The following EZR variants were observed in gnomAD, a reference collection of about 807,000 sequenced individuals.
EZR encodes the protein cytovillin 2.
In EZR, 40 loss-of-function variants were observed where a neutral mutation model predicts 74.8. The observed-to-expected ratio is 0.53, with a 90% CI of 0.42 to 0.70. The LOEUF is 0.70. Among genes scored for constraint, EZR ranks in the 30% least tolerant of loss-of-function variants. EZR has a pLI of 0.00. For missense variants in EZR, 678 were observed against 755.8 expected (o/e 0.90, Z 1.21); for synonymous variants, 341 against 283.3 (o/e 1.20, Z -2.05).
intron 7 of EZR, among the ~76,000 whole-genome samples, chr6:158,776,761 T>C (rs1008477737): frequency 6.6e-6 from 1 of 152,190 alleles, no homozygotes; most frequent in Non-Finnish European, 1.5e-5. Context: ...GCACCTATGA[T>C]TACCCAGGCT....
chr6:158,776,282 C>T, intron 8 of EZR, 126 bp downstream of exon 8: 1 of 787,900 alleles, frequency 1.3e-6, no homozygotes. Flanking sequence ...ATCTCTGGCC[C>T]TCAATGTAAC....
chr6:158,794,626 T>C (rs1777028198), intron 2 of EZR, among the ~76,000 whole-genome samples: 1 of 152,194 alleles, frequency 6.6e-6, no homozygotes, highest in African/African-American at 2.4e-5. Flanking sequence ...CTGCAGTTTT[T>C]ATTGTCTTAG....
At position 158,766,329 on chromosome 6, in the gene EZR, A is replaced by C. The variant is rs1157273570; in HGVS notation, c.*585T>G. 6.6e-6 allele frequency: 1 copy of C among 150,446 alleles called. No homozygotes were observed. Among genetic ancestry groups the C allele is most frequent in the East Asian group, 1.9e-4 (1 of 5,182 alleles). The allele number at this position is 150,446 out of a possible 1,614,324, so 9.3% of individuals were successfully genotyped here. A position where few individuals can be genotyped will look rare whatever the true frequency, so the allele number is the denominator to read the frequency against. On this transcript the variant is annotated 3_prime_UTR_variant, in exon 14 of 14. Coordinates refer to ENST00000367075, the MANE Select transcript of EZR (RefSeq NM_001111077.2). ...AAAAAAAAACAAAAAAAAAAATCCA[A>C]GTGTCCTCCTCCACCACTCACGCTG... is the stretch of plus-strand genomic sequence containing the variant.
chr6:158,766,702 G>C lies in EZR; in HGVS notation c.*212C>G. ...GGAGGTGATTCGAGAATAATCGCGA[G>C]AATCAGGCCTGCTTGGCACTATTAC... On this transcript the variant is annotated 3_prime_UTR_variant, in exon 14 of 14. Coordinates refer to ENST00000367075, the MANE Select transcript of EZR (RefSeq NM_001111077.2). 3.4e-6 allele frequency: 2 copies of C among 592,726 alleles called. No homozygotes were observed. The highest frequency in any genetic ancestry group is 2.1e-5 in the South Asian group (1 of 48,566). The allele number at this position is 592,726 out of a possible 1,614,324, so 36.7% of individuals were successfully genotyped here.
At position 158,785,602 on chromosome 6, in the gene EZR, A is replaced by T. The variant is rs376222354; in HGVS notation, c.193-19T>A. The T allele has an allele frequency of 1.3e-4, 210 of 1,609,500 alleles. No homozygotes were observed. Among genetic ancestry groups the T allele is most frequent in the Non-Finnish European group, 1.8e-4 (206 of 1,176,540 alleles). ...CAGACACCTGCACGAAACAAGCCAC[A>T]CTCTCCACACAAATCCGGAAGACGA... On this transcript the variant is annotated intron_variant, in intron 4 of 13. Transcript: ENST00000367075.
intron 2 of EZR, among the ~76,000 whole-genome samples, chr6:158,801,683 G>T (rs1777190341): frequency 6.6e-6 from 1 of 152,116 alleles, no homozygotes; most frequent in African/African-American, 2.4e-5. Flanking sequence ...ATCCAGTGTT[G>T]GAACTCACAA....
intron 2 of EZR, among the ~76,000 whole-genome samples, chr6:158,790,323 G>A (rs952254876): frequency 2.6e-5 from 4 of 152,356 alleles, no homozygotes; most frequent in Middle Eastern, 3.4e-3. Flanking sequence ...GAATTGAGGA[G>A]GTGGAGATGG....
intron 2 of EZR, among the ~76,000 whole-genome samples, chr6:158,805,236 G>A (rs572748818): frequency 6.6e-6 from 1 of 151,702 alleles, no homozygotes; most frequent in East Asian, 1.9e-4. Context: ...CTACTCGTGG[G>A]GCTGAGGCAG....
At chr6:158,783,735 C>T (rs547911348) in intron 6 of EZR, 69 bp from the exon 7 acceptor site, 6 of 1,517,946 alleles carry the variant, frequency 4.0e-6, no homozygotes, top group East Asian at 4.5e-5. Flanking sequence ...AAAACCTTTC[C>T]AGTATTTTTA....
chr6:158,769,309 C>T lies in EZR; in HGVS notation c.1344+17G>A, dbSNP rs759792373. The T allele has an allele frequency of 4.4e-5, 71 of 1,605,700 alleles. No individual in the cohort carries two copies. Among genetic ancestry groups the T allele is most frequent in the Non-Finnish European group, 6.0e-5 (71 of 1,178,530 alleles). On this transcript the variant is annotated intron_variant, in intron 12 of 13. Coordinates refer to ENST00000367075, the MANE Select transcript of EZR (RefSeq NM_001111077.2). ...AGGTGCTGTGGCCGTGCGGAGGTGT[C>T]CCCCGTGCAGACTCACCCTGTGCTG...
At chr6:158,787,340 A>C in intron 3 of EZR, 137 bp from the exon 4 acceptor site, 1 of 581,986 alleles carries the variant, frequency 1.7e-6, no homozygotes, top group Non-Finnish European at 3.0e-6. Flanking sequence ...CCACTGGGCA[A>C]CATCTTTTTT....
At chr6:158,776,917 C>CGGCT (rs1470382895) in intron 7 of EZR, among the ~76,000 whole-genome samples, 1 of 152,194 alleles carries the variant, frequency 6.6e-6, no homozygotes, top group Non-Finnish European at 1.5e-5. Flanking sequence ...TGTGCTGGAG[C>CGGCT]AGCCCTACTT....
At position 158,785,553 on chromosome 6, in the gene EZR, G is replaced by A. The variant is rs764710402; in HGVS notation, c.223C>T (p.Pro75Ser). 7 of 1,614,080 alleles carry A rather than the reference G, an allele frequency of 4.3e-6. No homozygotes were observed. The highest frequency in any genetic ancestry group is 3.3e-4 in the Middle Eastern group (2 of 6,062). The change falls in exon 5 of 14, where the codon CCC (proline) becomes TCC (serine). Residue 75 changes from proline to serine, a missense_variant. Coordinates refer to ENST00000367075, the MANE Select transcript of EZR (RefSeq NM_001111077.2). ...VSAQEVRKEN[P>S]LQFKFRAKFY... ...TTGGCCCGGAACTTGAACTGGAGGG[G>A]ATTCTCCTTCCTGACCTCCTGGGCA...
chr6:158,777,104 C>T (rs1791300826), intron 7 of EZR, among the ~76,000 whole-genome samples: 1 of 152,244 alleles, frequency 6.6e-6, no homozygotes, highest in Admixed American at 6.5e-5. Context: ...ACAGGCTCTT[C>T]TGCTACAGAC....
chr6:158,799,719 G>A (rs1202329087), intron 2 of EZR, among the ~76,000 whole-genome samples: 2 of 152,250 alleles, frequency 1.3e-5, no homozygotes, highest in African/African-American at 4.8e-5. Flanking sequence ...ACCTCAACCA[G>A]CTTAGTGCAG....
At chr6:158,770,685 G>T (rs1179203508) in intron 10 of EZR, 79 bp downstream of exon 10, 7 of 1,503,500 alleles carry the variant, frequency 4.7e-6, no homozygotes, top group Non-Finnish European at 5.5e-6. Context: ...TTCCTGGTGA[G>T]TGGGTGGGTG....
intron 7 of EZR, among the ~76,000 whole-genome samples, chr6:158,776,882 C>T (rs1010062383): frequency 3.9e-5 from 6 of 152,178 alleles, no homozygotes; most frequent in Non-Finnish European, 8.8e-5. Flanking sequence ...TACCTCTCAT[C>T]CTGCCAGAGC....
chr6:158,814,499 T>TGC (rs1358761678), intron 2 of EZR, among the ~76,000 whole-genome samples: 1 of 151,900 alleles, frequency 6.6e-6, no homozygotes, highest in African/African-American at 2.4e-5. Flanking sequence ...GAACAAGGTC[T>TGC]GCCTCGCCCT....
chr6:158,810,285 G>A (rs948519988), intron 2 of EZR, among the ~76,000 whole-genome samples: 1 of 152,150 alleles, frequency 6.6e-6, no homozygotes, highest in African/African-American at 2.4e-5. Context: ...TTAAGAACGG[G>A]TTAATGAATA....
Sources: gnomAD v4.1 joint callset for allele counts (sites outside exome capture counted in the v4.1 genomes callset) on GRCh38, gnomAD v4.1.1 for gene constraint, MANE v1.5 for transcripts, NCBI Gene and HGNC (gene_info 2026-07-23, HGNC 2026-07-21) for gene names.